HOGA1: variants seen among roughly 807,000 people sequenced by gnomAD.
The protein encoded by HOGA1 is 4-hydroxy-2-oxoglutarate aldolase, mitochondrial.
Under a neutral mutation model 34.3 loss-of-function variants are expected in HOGA1, and 30 were observed. The ratio of observed to expected loss-of-function variants is 0.87; its 90% confidence interval spans 0.65 to 1.19. HOGA1 has a LOEUF of 1.19. Ranked by LOEUF, HOGA1 falls within the 50% of genes most tolerant of loss-of-function variation. The pLI, the probability that HOGA1 is intolerant of heterozygous loss-of-function variation, is 0.00. For synonymous variants in HOGA1, 161 were observed against 174.0 expected (o/e 0.93, Z 0.59); for missense variants, 417 against 436.5 (o/e 0.96, Z 0.40).
At chr10:97,589,844 C>T in intron 1 of HOGA1, 2 of 1,407,222 alleles carry the variant, frequency 1.4e-6, no homozygotes, top group South Asian at 1.3e-5. Flanking sequence ...CATCCAGCAG[C>T]CATCATGCAA....
chr10:97,611,553 A>T lies in HOGA1; in HGVS notation c.878A>T (p.Asp293Val), dbSNP rs1230841088. 4 of 1,614,214 alleles carry T rather than the reference A, an allele frequency of 2.5e-6. No homozygotes were observed. In the South Asian group the frequency reaches 3.3e-5, roughly 13 times the overall value. ...FGIPGLKKIMDWFGYYGGPCR... is the reference protein window; with the variant it reads ...FGIPGLKKIMVWFGYYGGPCR... ...ATCCCAGGGCTGAAGAAAATCATGG[A>T]CTGGTTTGGCTACTATGGAGGCCCC... The change falls in exon 7 of 7, where the codon GAC becomes GTC. Residue 293 changes from aspartate (D) to valine (V), a missense_variant. By Grantham distance (152) the Asp-to-Val change is radical. Coordinates refer to ENST00000370646, the MANE Select transcript of HOGA1 (RefSeq NM_138413.4).
rs201473199 is a variant in HOGA1 at position 97,590,143 on chromosome 10, C to T, written c.211+5229C>T. 1.2e-5 allele frequency: 20 copies of T among 1,614,106 alleles called. No individual in the cohort carries two copies. In the Admixed American group the frequency reaches 2.0e-4, roughly 16 times the overall value. Reference sequence around the variant, plus strand: ...ACATAGAGACCTTCACCACGAGGCACGGAGAAGTGGGCTCCGCTCTGCACC... The same window carrying T: ...ACATAGAGACCTTCACCACGAGGCATGGAGAAGTGGGCTCCGCTCTGCACC... On this transcript the variant is annotated intron_variant, in intron 1 of 6. Transcript: ENST00000370646.
Position 97,612,767 on chromosome 10 carries a change from T to A in HOGA1, c.*1108T>A, listed in dbSNP as rs983839243. 6 of 152,252 alleles carry A rather than the reference T, an allele frequency of 3.9e-5. No individual in the cohort carries two copies. The highest frequency in any genetic ancestry group is 1.4e-4 in the African/African-American group (6 of 41,462). 9.4% of individuals were successfully genotyped at this position (152,252 alleles called of 1,614,324 possible). A position where few individuals can be genotyped will look rare whatever the true frequency, so the allele number is the denominator to read the frequency against. On this transcript the variant is annotated 3_prime_UTR_variant, in exon 7 of 7. Transcript: ENST00000370646. ...ACTCTGCTTTTATTATTAAAAATAG[T>A]CACTTTGTTACTATAATAAAATTTA...
chr10:97,585,201 T>C (rs1022424878), intron 1 of HOGA1, among the ~76,000 whole-genome samples: 1 of 152,206 alleles, frequency 6.6e-6, no homozygotes, highest in Non-Finnish European at 1.5e-5. Context: ...GAGGTTGGAC[T>C]GGATAATGGG....
rs114034807 is a variant in HOGA1 at position 97,591,629 on chromosome 10, G to A, written c.211+6715G>A. On this transcript the variant is annotated intron_variant, in intron 1 of 6. Coordinates refer to ENST00000370646, the MANE Select transcript of HOGA1 (RefSeq NM_138413.4). ...TTTCCCTTTTTTTCTTGTTTTTTAT[G>A]TATGTATATTTTGAGACAGGGTTTC... is the stretch of plus-strand genomic sequence containing the variant. Among the ~76,000 whole-genome samples the A allele has an allele frequency of 6.7e-3, 1,016 of 151,184 alleles. 15 individuals are homozygous for A. Among genetic ancestry groups the A allele is most frequent in the African/African-American group, 0.022 (899 of 41,134 alleles).
intron 1 of HOGA1, chr10:97,589,841 C>A (rs779224982): frequency 1.9e-5 from 26 of 1,383,264 alleles, no homozygotes; most frequent in Non-Finnish European, 2.5e-5. Context: ...GCTCATCCAG[C>A]AGCCATCATG....
At chr10:97,610,703 G>A (rs559646554) in intron 6 of HOGA1, among the ~76,000 whole-genome samples, 1 of 152,122 alleles carries the variant, frequency 6.6e-6, no homozygotes, top group Admixed American at 6.5e-5. Context: ...AGGAGGCTGA[G>A]GCAGGAGAAT....
intron 1 of HOGA1, among the ~76,000 whole-genome samples, chr10:97,586,205 C>T (rs1047590150): frequency 2.6e-5 from 4 of 151,656 alleles, no homozygotes; most frequent in East Asian, 1.9e-4. Context: ...CTGTCCCTAT[C>T]GGACACATGG....
chr10:97,597,252 C>A (rs1011371995), intron 1 of HOGA1, among the ~76,000 whole-genome samples: 5 of 151,888 alleles, frequency 3.3e-5, no homozygotes, highest in Non-Finnish European at 7.4e-5. Context: ...CTTTGTTACC[C>A]AAGGTGGTCT....
chr10:97,600,213 AG>A lies in HOGA1; in HGVS notation c.700+52del, dbSNP rs762722138. On this transcript the variant is annotated intron_variant, in intron 5 of 6. Coordinates refer to ENST00000370646, the MANE Select transcript of HOGA1 (RefSeq NM_138413.4). ...TGTCATGGGTGACCAAGAGATACCC[AG>A]GTACCTGGGTCTTCCGGGAGAGATC... The A allele has an allele frequency of 1.0e-5, 15 of 1,481,586 alleles. No homozygotes were observed. The East Asian group carries it at 3.4e-4, about 33-fold the overall frequency. 91.8% of individuals were successfully genotyped at this position (1,481,586 alleles called of 1,614,324 possible).
chr10:97,598,837 G>C lies in HOGA1; in HGVS notation c.274G>C (p.Val92Leu). 1 of 1,614,196 alleles carries C rather than the reference G, an allele frequency of 6.2e-7. No homozygotes were observed. The highest frequency in any genetic ancestry group is 1.3e-5 in the African/African-American group (1 of 75,054). Residue 92 changes from valine to leucine, a missense_variant, in exon 2 of 7, where the codon GTG becomes CTG. By Grantham distance (32) the Val-to-Leu change is conservative. Coordinates refer to ENST00000370646, the MANE Select transcript of HOGA1 (RefSeq NM_138413.4). ...PFLTSSERLE[V>L]VSRVRQAMPK... ...CCTGACCAGCAGTGAGCGCCTCGAG[G>C]TGGTGAGCCGTGTGCGCCAGGCCAT...
At chr10:97,605,151 G>A (rs931284071) in intron 6 of HOGA1, among the ~76,000 whole-genome samples, 11 of 152,256 alleles carry the variant, frequency 7.2e-5, no homozygotes, top group Middle Eastern at 3.4e-3. Context: ...GCTCACGCCT[G>A]TAACCCCATC....
rs2041206171 is a variant in HOGA1 at position 97,612,558 on chromosome 10, A to G, written c.*899A>G. The G allele has an allele frequency of 6.6e-6, 1 of 152,206 alleles. No individual in the cohort carries two copies. The highest frequency in any genetic ancestry group is 2.4e-5 in the African/African-American group (1 of 41,436). The allele number at this position is 152,206 out of a possible 1,614,324, so 9.4% of individuals were successfully genotyped here. A position where few individuals can be genotyped will look rare whatever the true frequency, so the allele number is the denominator to read the frequency against. ...CTAAATCTATTTTCATTCATCTCCT[A>G]TTCTGGTCTGTAGCCTTGATTCCAA... On this transcript the variant is annotated 3_prime_UTR_variant, in exon 7 of 7. Coordinates refer to ENST00000370646, the MANE Select transcript of HOGA1 (RefSeq NM_138413.4).
At chr10:97,590,088 G>T in intron 1 of HOGA1, 1 of 1,614,208 alleles carries the variant, frequency 6.2e-7, no homozygotes, top group Non-Finnish European at 8.5e-7. Flanking sequence ...CAGACTGAGA[G>T]TGGGAGTGAA....
At chr10:97,602,650 C>T in intron 6 of HOGA1, 1 of 866,676 alleles carries the variant, frequency 1.2e-6, no homozygotes, top group Non-Finnish European at 1.4e-6. Context: ...CTCCCTCCCT[C>T]CTTTCTGTCT....
intron 1 of HOGA1, among the ~76,000 whole-genome samples, chr10:97,594,992 G>A (rs756434700): frequency 2.0e-5 from 3 of 152,200 alleles, no homozygotes; most frequent in Non-Finnish European, 4.4e-5. Flanking sequence ...TCTCAGAGGA[G>A]GTGGCAATGA....
Position 97,611,753 on chromosome 10 carries a change from C to A in HOGA1, c.*94C>A. 1 of 1,468,518 alleles carries A rather than the reference C, an allele frequency of 6.8e-7. No homozygotes were observed. Among genetic ancestry groups the A allele is most frequent in the Non-Finnish European group, 9.2e-7 (1 of 1,085,344 alleles). 91.0% of individuals were successfully genotyped at this position (1,468,518 alleles called of 1,614,324 possible). ...GGAGAGCACAGGGGGATGAGGGTGG[C>A]AGGCAGCGGGGAGCCGATAGAGGCT... On this transcript the variant is annotated 3_prime_UTR_variant, in exon 7 of 7. Coordinates refer to ENST00000370646, the MANE Select transcript of HOGA1 (RefSeq NM_138413.4).
intron 6 of HOGA1, among the ~76,000 whole-genome samples, chr10:97,606,683 C>T (rs1354343596): frequency 6.6e-6 from 1 of 152,172 alleles, no homozygotes; most frequent in Admixed American, 6.5e-5. Flanking sequence ...AGACTGATTC[C>T]TCCCACTTTG....
chr10:97,598,784 T>G lies in HOGA1; in HGVS notation c.221T>G (p.Val74Gly), dbSNP rs796052084. The change falls in exon 2 of 7, where the codon GTC (valine) becomes GGC (glycine). Residue 74 changes from valine to glycine, a missense_variant. Physicochemically the swap from Val to Gly is moderately radical, Grantham distance 109 (BLOSUM62 -3). Transcript: ENST00000370646. Reference protein sequence around the residue: ...LGTFPFRGFVVQGSNGEFPFL... With the variant: ...LGTFPFRGFVGQGSNGEFPFL... ...GCTGTGTCTCTTGCAGGCTTCGTGG[T>G]CCAGGGCTCCAATGGCGAGTTTCCT... 1.4e-5 allele frequency: 23 copies of G among 1,614,076 alleles called. No individual in the cohort carries two copies. Among genetic ancestry groups the G allele is most frequent in the Non-Finnish European group, 1.9e-5 (23 of 1,180,046 alleles).
Sources: allele counts gnomAD v4.1 joint callset (sites outside exome capture counted in the v4.1 genomes callset), GRCh38; gene constraint gnomAD v4.1.1; transcripts MANE v1.5; gene names NCBI Gene and HGNC (gene_info 2026-07-23, HGNC 2026-07-21).